Variants in MIPOL1 observed in about 807,000 individuals in gnomAD.
MIPOL1 encodes mirror-image polydactyly gene 1 protein.
Under a neutral mutation model 60.9 loss-of-function variants are expected in MIPOL1, and 57 were observed. The ratio of observed to expected loss-of-function variants is 0.94; its 90% CI spans 0.76 to 1.17. MIPOL1 has a LOEUF of 1.17. Ranked by LOEUF, MIPOL1 falls within the 50% of genes most tolerant of loss-of-function variation. MIPOL1 has a pLI of 0.00. For synonymous variants in MIPOL1, 179 were observed against 168.8 expected (o/e 1.06, Z -0.47); for missense variants, 551 against 511.6 (o/e 1.08, Z -0.74).
intron 7 of MIPOL1, among the ~76,000 whole-genome samples, chr14:37,298,150 A>G (rs1319331675): frequency 6.6e-6 from 1 of 152,198 alleles, no homozygotes; most frequent in Non-Finnish European, 1.5e-5. Context: ...AATGCCGCAT[A>G]TCTACAACTA....
chr14:37,256,587 C>T (rs1974953985), intron 3 of MIPOL1, among the ~76,000 whole-genome samples: 1 of 151,898 alleles, frequency 6.6e-6, no homozygotes, highest in African/African-American at 2.4e-5. Context: ...TACAGTTCAG[C>T]AAATCTGTTT....
At chr14:37,325,137 C>T (rs887756783) in intron 9 of MIPOL1, among the ~76,000 whole-genome samples, 1 of 152,018 alleles carries the variant, frequency 6.6e-6, no homozygotes, top group African/African-American at 2.4e-5. Flanking sequence ...AGACTGACAC[C>T]TTAATAATTT....
chr14:37,233,066 C>G (rs1970878320), intron 1 of MIPOL1, among the ~76,000 whole-genome samples: 1 of 152,138 alleles, frequency 6.6e-6, no homozygotes, highest in Admixed American at 6.5e-5. Context: ...CTTGACCAGT[C>G]TTTTGGAAGA....
chr14:37,380,687 C>G (rs2092902047), intron 10 of MIPOL1, among the ~76,000 whole-genome samples: 1 of 152,026 alleles, frequency 6.6e-6, no homozygotes, highest in South Asian at 2.1e-4. Flanking sequence ...TGATGTTTTT[C>G]TAATTGGGAG....
chr14:37,531,550 A>C (rs2153636376), intron 12 of MIPOL1, among the ~76,000 whole-genome samples: 1 of 152,316 alleles, frequency 6.6e-6, no homozygotes, highest in East Asian at 1.9e-4. Context: ...CATATTATCT[A>C]GGTGATTTAC....
In MIPOL1 at chr14:37,285,464, A is replaced by T; in HGVS notation, c.623+17A>T. The T allele has an allele frequency of 6.2e-7, 1 of 1,610,478 alleles. No homozygotes were observed. Among genetic ancestry groups the T allele is most frequent in the Middle Eastern group, 1.7e-4 (1 of 6,044 alleles). ...TCTAAAAGTGTATGTACACATTTAAAACTCAGTATGATATTAGGAACACTT... is the reference window on the plus strand; with the variant it reads ...TCTAAAAGTGTATGTACACATTTAATACTCAGTATGATATTAGGAACACTT... On this transcript the variant is annotated intron_variant, in intron 7 of 12. Coordinates refer to ENST00000684589, the MANE Select transcript of MIPOL1 (RefSeq NM_001388067.1).
At chr14:37,294,775 G>A (rs1388003020) in intron 7 of MIPOL1, among the ~76,000 whole-genome samples, 2 of 151,922 alleles carry the variant, frequency 1.3e-5, no homozygotes, top group Non-Finnish European at 2.9e-5. Context: ...AAAGAAATGA[G>A]CAAAGCCTCC....
chr14:37,374,943 G>A (rs139671971), intron 10 of MIPOL1, among the ~76,000 whole-genome samples: 184 of 152,180 alleles, frequency 1.2e-3, no homozygotes, highest in African/African-American at 4.3e-3. Flanking sequence ...GCTTGATGGC[G>A]ATAGCATTGA....
intron 10 of MIPOL1, among the ~76,000 whole-genome samples, chr14:37,384,385 G>GA (rs35090362): frequency 0.74 from 111,984 of 151,636 alleles, 41,578 homozygotes; most frequent in East Asian, 0.85. Context: ...GAAATTTTGG[G>GA]AAAAATATAG....
At chr14:37,221,805 A>G (rs1968815456) in intron 1 of MIPOL1, among the ~76,000 whole-genome samples, 3 of 152,306 alleles carry the variant, frequency 2.0e-5, no homozygotes, top group East Asian at 1.9e-4. Context: ...ATACAGAACC[A>G]AACCATATCA....
intron 11 of MIPOL1, among the ~76,000 whole-genome samples, chr14:37,472,265 A>G (rs1268157843): frequency 6.6e-6 from 1 of 152,246 alleles, no homozygotes; most frequent in Non-Finnish European, 1.5e-5. Context: ...GATCATTAAT[A>G]AAATTGAAAA....
chr14:37,277,324 A>T (rs2083739664), intron 6 of MIPOL1: 1 of 151,312 alleles, frequency 6.6e-6, no homozygotes, highest in African/African-American at 2.4e-5. Context: ...TTGGTATCAA[A>T]TTTAAGGCTG....
rs2083214420 is a variant in MIPOL1 at position 37,270,469 on chromosome 14, T to G, written c.437T>G (p.Phe146Cys). Residue 146 changes from phenylalanine (F) to cysteine (C), a missense_variant, in exon 6 of 13, where the codon TTT becomes TGT. Coordinates refer to ENST00000684589, the MANE Select transcript of MIPOL1 (RefSeq NM_001388067.1). The part of the protein sequence containing the change: ...KEDKEQRKLK[F>C]KLELQEKETE... ...GATAAAGAACAGAGAAAACTAAAGT[T>G]TAAGCTGGAACTCCAAGAGAAAGAA... 2.5e-6 allele frequency: 4 copies of G among 1,602,512 alleles called. No homozygotes were observed. In the East Asian group the frequency reaches 9.1e-5, roughly 36 times the overall value.
At chr14:37,335,534 T>A (rs2090042921) in intron 9 of MIPOL1, among the ~76,000 whole-genome samples, 2 of 152,132 alleles carry the variant, frequency 1.3e-5, no homozygotes, top group African/African-American at 4.8e-5. Flanking sequence ...GACTGGCTTA[T>A]TTCATAATGC....
At chr14:37,305,291 C>T (rs1299911556) in intron 7 of MIPOL1, among the ~76,000 whole-genome samples, 1 of 151,816 alleles carries the variant, frequency 6.6e-6, no homozygotes, top group African/African-American at 2.4e-5. Flanking sequence ...TCCAAATTGG[C>T]ACTTAACAGT....
chr14:37,516,396 A>T (rs1480072894), intron 12 of MIPOL1, among the ~76,000 whole-genome samples: 1 of 152,198 alleles, frequency 6.6e-6, no homozygotes, highest in Non-Finnish European at 1.5e-5. Flanking sequence ...ATTTATGCTC[A>T]ATAATTTCAT....
chr14:37,223,214 G>A (rs1408217229), intron 1 of MIPOL1, among the ~76,000 whole-genome samples: 1 of 151,746 alleles, frequency 6.6e-6, no homozygotes, highest in Admixed American at 6.6e-5. Flanking sequence ...TCTATTTTTT[G>A]TAGACCTGGG....
intron 7 of MIPOL1, among the ~76,000 whole-genome samples, chr14:37,294,361 A>C (rs1000905605): frequency 6.6e-6 from 1 of 152,174 alleles, no homozygotes; most frequent in African/African-American, 2.4e-5. Context: ...GATGGGGAAA[A>C]ACCAGAGCAG....
chr14:37,503,853 A>G (rs1056324221), intron 12 of MIPOL1: 1 of 152,234 alleles, frequency 6.6e-6, no homozygotes, highest in African/African-American at 2.4e-5. Context: ...TGCTGTATTC[A>G]GAAGACCCAT....
Sources: allele counts gnomAD v4.1 joint callset (sites outside exome capture counted in the v4.1 genomes callset), GRCh38; gene constraint gnomAD v4.1.1; transcripts MANE v1.5; gene names NCBI Gene and HGNC (gene_info 2026-07-23, HGNC 2026-07-21).